TENM2: variants seen among roughly 807,000 people sequenced by gnomAD.
TENM2 encodes teneurin-2.
In TENM2, 52 loss-of-function variants were observed where a neutral mutation model predicts 245.2. The observed-to-expected ratio is 0.21, with a 90% CI of 0.17 to 0.27. TENM2 has a LOEUF of 0.27. TENM2 is among the 10% of genes least tolerant of loss of function. The pLI is 1.00. For missense variants in TENM2, 3,046 were observed against 3,666.8 expected (o/e 0.83, Z 4.37); for synonymous variants, 1,363 against 1,438.9 (o/e 0.95, Z 1.19).
intron 2 of TENM2, among the ~76,000 whole-genome samples, chr5:167,602,593 C>T (rs1253037898): frequency 6.6e-6 from 1 of 152,102 alleles, no homozygotes; most frequent in Non-Finnish European, 1.5e-5. Flanking sequence ...TTGCTCAAGT[C>T]CATTGAAAAA....
intron 2 of TENM2, among the ~76,000 whole-genome samples, chr5:167,720,333 A>G (rs1307068803): frequency 1.3e-5 from 2 of 152,236 alleles, no homozygotes; most frequent in Non-Finnish European, 2.9e-5. Context: ...ATATGAAAGC[A>G]CACAAAGATT....
At chr5:167,569,717 C>T (rs1549212) in intron 2 of TENM2, among the ~76,000 whole-genome samples, 77,365 of 152,002 alleles carry the variant, frequency 0.51, 22,098 homozygotes, top group Middle Eastern at 0.64. Context: ...TGAACTATTT[C>T]ATTATTGGGT....
chr5:167,624,396 C>T (rs1352997192), intron 2 of TENM2, among the ~76,000 whole-genome samples: 1 of 152,002 alleles, frequency 6.6e-6, no homozygotes, highest in Non-Finnish European at 1.5e-5. Context: ...AAGATGAGAA[C>T]AATAGACACT....
chr5:167,769,289 G>GT (rs1433481896), intron 2 of TENM2, among the ~76,000 whole-genome samples: 2 of 152,166 alleles, frequency 1.3e-5, no homozygotes, highest in Non-Finnish European at 2.9e-5. Context: ...GTCAGTGTAA[G>GT]TTTTGTGCCA....
At chr5:167,737,009 G>C (rs1760847162) in intron 2 of TENM2, among the ~76,000 whole-genome samples, 1 of 152,170 alleles carries the variant, frequency 6.6e-6, no homozygotes, top group East Asian at 1.9e-4. Context: ...GAGTTTCTGA[G>C]ATTTGCCCAA....
At chr5:168,149,334 G>A (rs1334145932) in intron 12 of TENM2, 4 of 456,310 alleles carry the variant, frequency 8.8e-6, no homozygotes, top group Non-Finnish European at 1.8e-5. Context: ...AACTTGGAGA[G>A]GAGGGCAGAA....
At chr5:167,655,342 C>T (rs1320657388) in intron 2 of TENM2, among the ~76,000 whole-genome samples, 3 of 152,106 alleles carry the variant, frequency 2.0e-5, no homozygotes, top group African/African-American at 4.8e-5. Flanking sequence ...TTTGTCATTG[C>T]ATTACTCTAG....
At chr5:167,226,435 C>G in the TENM2 span, among the ~76,000 whole-genome samples, 1 of 151,994 alleles carries the variant, frequency 6.6e-6, no homozygotes, top group East Asian at 1.9e-4. Context: ...TGTTTAGTAT[C>G]CATGTGCTTG....
At chr5:167,671,208 A>G (rs975387098) in intron 2 of TENM2, among the ~76,000 whole-genome samples, 3 of 152,148 alleles carry the variant, frequency 2.0e-5, no homozygotes, top group Non-Finnish European at 4.4e-5. Context: ...GGATAATGTG[A>G]ATTAAAATGA....
chr5:167,438,197 G>GTACAA (rs1764675374), intron 2 of TENM2, among the ~76,000 whole-genome samples: 2 of 152,098 alleles, frequency 1.3e-5, no homozygotes. Context: ...CATCCAAAAT[G>GTACAA]AACTATGTAC....
intron 2 of TENM2, among the ~76,000 whole-genome samples, chr5:167,512,454 G>A (rs891035778): frequency 2.6e-5 from 4 of 152,036 alleles, no homozygotes; most frequent in South Asian, 2.1e-4. Context: ...ATAATAAAAC[G>A]TAATTTTCAT....
chr5:167,439,268 A>G (rs1350421052), intron 2 of TENM2, among the ~76,000 whole-genome samples: 1 of 152,200 alleles, frequency 6.6e-6, no homozygotes, highest in Non-Finnish European at 1.5e-5. Context: ...GTCATTGGAC[A>G]CTGCTCTGGA....
chr5:167,750,056 A>G lies in TENM2; in HGVS notation c.503-125930A>G, dbSNP rs140923125. 4.9e-4 allele frequency among the ~76,000 whole-genome samples: 74 copies of G among 152,232 alleles called. No homozygotes were observed. The East Asian group carries it at 0.011, about 22-fold the overall frequency. On this transcript the variant is annotated intron_variant, in intron 2 of 28. Coordinates refer to ENST00000518659, the Ensembl canonical transcript of TENM2. ...TGATTTTTTCAAGGTTAGAAGGCATACCGGGGTGAACTGCAGGAATGGTTC... is the reference window on the plus strand; with the variant it reads ...TGATTTTTTCAAGGTTAGAAGGCATGCCGGGGTGAACTGCAGGAATGGTTC...
intron 5 of TENM2, among the ~76,000 whole-genome samples, chr5:168,036,643 A>AATAT (rs61665761): frequency 1.2e-4 from 9 of 73,828 alleles, no homozygotes; most frequent in South Asian, 4.9e-4. Context: ...TCAAAAAAAA[A>AATAT]ATATATATAT....
At chr5:167,773,191 T>G (rs1174148985) in intron 2 of TENM2, among the ~76,000 whole-genome samples, 3 of 152,212 alleles carry the variant, frequency 2.0e-5, no homozygotes, top group African/African-American at 7.2e-5. Flanking sequence ...ATTTTTAACC[T>G]GCTTAAATTG....
intron 7 of TENM2, among the ~76,000 whole-genome samples, chr5:168,083,745 A>G (rs1169073460): frequency 6.6e-6 from 1 of 152,160 alleles, no homozygotes; most frequent in Non-Finnish European, 1.5e-5. Flanking sequence ...TTAAAAAAAT[A>G]ATTTCAGCTT....
intron 4 of TENM2, among the ~76,000 whole-genome samples, chr5:167,986,725 G>C (rs1192566281): frequency 6.6e-6 from 1 of 152,120 alleles, no homozygotes; most frequent in Admixed American, 6.5e-5. Context: ...TTCCATGACC[G>C]ACCGCTGGGA....
At chr5:167,968,971 A>G (rs990854860) in intron 4 of TENM2, among the ~76,000 whole-genome samples, 1 of 152,198 alleles carries the variant, frequency 6.6e-6, no homozygotes, top group Admixed American at 6.5e-5. Flanking sequence ...CAGAATCCAT[A>G]CAAGGAGACA....
At chr5:167,017,340 G>T in the TENM2 span, among the ~76,000 whole-genome samples, 1 of 152,204 alleles carries the variant, frequency 6.6e-6, no homozygotes, top group African/African-American at 2.4e-5. Flanking sequence ...AAAAATCTGT[G>T]TAACGTTGGA....
Sources: gnomAD v4.1 joint callset for allele counts (sites outside exome capture counted in the v4.1 genomes callset) on GRCh38, gnomAD v4.1.1 for gene constraint, MANE v1.5 for transcripts, NCBI Gene and HGNC (gene_info 2026-07-23, HGNC 2026-07-21) for gene names.